MARCHF6: variants seen among roughly 807,000 people sequenced by gnomAD.
The protein encoded by MARCHF6 is membrane associated ring-CH-type finger 6.
In MARCHF6, 31 loss-of-function variants were observed where a neutral mutation model predicts 133.7. That is an observed-to-expected ratio of 0.23 (90% CI 0.17 to 0.31). MARCHF6 has a LOEUF of 0.31. Among genes scored for constraint, MARCHF6 ranks in the 10% least tolerant of loss-of-function variants. MARCHF6 has a pLI of 1.00. For missense variants in MARCHF6, 723 were observed against 1,121.6 expected, an observed-to-expected ratio of 0.64 and a Z score of 5.08; for synonymous variants, 395 against 402.5, an observed-to-expected ratio of 0.98 and a Z score of 0.22.
Position 10,373,593 on chromosome 5 carries a change from A to G in MARCHF6, c.20-4205A>G, listed in dbSNP as rs537201653. Among the ~76,000 whole-genome samples, 4 of 152,288 alleles carry G rather than the reference A, an allele frequency of 2.6e-5. No homozygotes were observed. In the East Asian group the frequency reaches 7.7e-4, roughly 29 times the overall value. ...TGCCTCTCACAGGCAGCAATGTGCCAGCAGGACTGTCTTTGCCATACCCCA... is the reference window on the plus strand; with the variant it reads ...TGCCTCTCACAGGCAGCAATGTGCCGGCAGGACTGTCTTTGCCATACCCCA... On this transcript the variant is annotated intron_variant, in intron 1 of 25. Transcript: ENST00000274140.
At position 10,429,882 on chromosome 5, in the gene MARCHF6, T is replaced by G; in HGVS notation, c.2507-11T>G. 1 of 1,605,136 alleles carries G rather than the reference T, an allele frequency of 6.2e-7. No individual in the cohort carries two copies. Among genetic ancestry groups the G allele is most frequent in the Non-Finnish European group, 8.5e-7 (1 of 1,173,834 alleles). ...ACATACACTGAAAGTTTTTCTTTTT[T>G]GGTTTTCTAGGTGTTACTGCGGAAA... On this transcript the variant is annotated splice_polypyrimidine_tract_variant and intron_variant, in intron 24 of 25. Coordinates refer to ENST00000274140, the MANE Select transcript of MARCHF6 (RefSeq NM_005885.4).
rs140378462 is a variant in MARCHF6 at position 10,420,121 on chromosome 5, T to C, written c.2283+2717T>C. On this transcript the variant is annotated intron_variant, in intron 22 of 25. Transcript: ENST00000274140. The stretch of plus-strand genomic sequence containing the variant: ...ATATGTGCCTGGGCTGCTTCATAGC[T>C]AAGTAACCTCAAGGTATTTGGGCTT... Among the ~76,000 whole-genome samples the C allele has an allele frequency of 6.0e-3, 910 of 152,296 alleles. 8 individuals carry two copies. The highest frequency in any genetic ancestry group is 0.031 in the Middle Eastern group (9 of 294).
At chr5:10,415,767 A>G in intron 21 of MARCHF6, 98 bp downstream of exon 21, 2 of 1,005,488 alleles carry the variant, frequency 2.0e-6, no homozygotes, top group Non-Finnish European at 2.8e-6. Context: ...TTATTTCCTT[A>G]CTATATTGTT....
intron 5 of MARCHF6, 126 bp downstream of exon 5, chr5:10,387,192 C>A: frequency 1.7e-6 from 1 of 599,820 alleles, no homozygotes. Flanking sequence ...ATGTCTATTA[C>A]ACTAACAGTT....
chr5:10,363,520 G>C (rs558314893), intron 1 of MARCHF6, among the ~76,000 whole-genome samples: 71 of 152,252 alleles, frequency 4.7e-4, no homozygotes, highest in African/African-American at 1.7e-3. Context: ...AGAAAAATTG[G>C]AACCTTCATT....
At chr5:10,426,924 C>T (rs1165930842) in intron 24 of MARCHF6, among the ~76,000 whole-genome samples, 2 of 152,232 alleles carry the variant, frequency 1.3e-5, no homozygotes, top group Non-Finnish European at 2.9e-5. Context: ...TAATGGGCAA[C>T]ACGTTTATAC....
intron 1 of MARCHF6, among the ~76,000 whole-genome samples, chr5:10,362,314 AT>A (rs1735877155): frequency 6.6e-6 from 1 of 152,188 alleles, no homozygotes. Context: ...TGTTTTCTGC[AT>A]GTTTCATTTC....
intron 7 of MARCHF6, among the ~76,000 whole-genome samples, chr5:10,393,816 C>T (rs1233045677): frequency 6.6e-6 from 1 of 152,156 alleles, no homozygotes; most frequent in Non-Finnish European, 1.5e-5. Flanking sequence ...CTATTGAATT[C>T]CTCTCTTTCA....
intron 9 of MARCHF6, among the ~76,000 whole-genome samples, chr5:10,396,777 AG>A (rs1380433875): frequency 1.3e-5 from 2 of 152,180 alleles, no homozygotes; most frequent in African/African-American, 4.8e-5. Context: ...AAAGAAAGTC[AG>A]GGCACCATAG....
intron 7 of MARCHF6, among the ~76,000 whole-genome samples, chr5:10,392,098 A>T (rs1049390432): frequency 2.0e-5 from 3 of 152,072 alleles, no homozygotes; most frequent in African/African-American, 7.2e-5. Context: ...AGCTGGGACA[A>T]CAGGCGCTCG....
rs1740744169 is a variant in MARCHF6 at position 10,438,803 on chromosome 5, A to T, written c.*5119A>T. ...AAGGTTCACCCGGGAGAGATGGCCT[A>T]GCCACTTCCTTAGTGACTGTTTGGT... On this transcript the variant is annotated 3_prime_UTR_variant, in exon 26 of 26. Coordinates refer to ENST00000274140, the MANE Select transcript of MARCHF6 (RefSeq NM_005885.4). The T allele has an allele frequency of 6.6e-6, 1 of 152,208 alleles. No individual in the cohort carries two copies. Among genetic ancestry groups the T allele is most frequent in the Admixed American group, 6.5e-5 (1 of 15,284 alleles). 9.4% of individuals were successfully genotyped at this position (152,208 alleles called of 1,614,324 possible).
chr5:10,414,137 G>GTTTTA (rs10625443), intron 19 of MARCHF6, among the ~76,000 whole-genome samples: 33,433 of 151,510 alleles, frequency 0.22, 5,366 homozygotes, highest in East Asian at 0.67. Context: ...AATTTGTAAT[G>GTTTTA]TTTTAATAAC....
chr5:10,394,715 C>A, intron 8 of MARCHF6, 38 bp from the exon 9 acceptor site: 1 of 1,518,902 alleles, frequency 6.6e-7, no homozygotes, highest in Non-Finnish European at 9.0e-7. Context: ...AGTTCTGTTG[C>A]ATCTTAAATT....
chr5:10,399,056 T>G (rs1379439341), intron 10 of MARCHF6, among the ~76,000 whole-genome samples: 1 of 152,168 alleles, frequency 6.6e-6, no homozygotes, highest in African/African-American at 2.4e-5. Flanking sequence ...GTCCTTAATT[T>G]CAGGATGCCT....
At chr5:10,428,680 A>G (rs1377643391) in intron 24 of MARCHF6, among the ~76,000 whole-genome samples, 3 of 152,078 alleles carry the variant, frequency 2.0e-5, no homozygotes, top group Non-Finnish European at 2.9e-5. Flanking sequence ...AAATTAAATT[A>G]TTTTGACTCT....
chr5:10,359,542 A>G (rs977594940), intron 1 of MARCHF6, among the ~76,000 whole-genome samples: 4 of 152,154 alleles, frequency 2.6e-5, no homozygotes, highest in African/African-American at 9.7e-5. Context: ...TGCTCCTTCT[A>G]AGCTACACAG....
At chr5:10,382,926 G>T (rs1401231516) in intron 4 of MARCHF6, among the ~76,000 whole-genome samples, 1 of 152,106 alleles carries the variant, frequency 6.6e-6, no homozygotes, top group Non-Finnish European at 1.5e-5. Flanking sequence ...TGGGAGGGTG[G>T]TATACTAATC....
At chr5:10,387,808 G>A (rs1175942442) in intron 5 of MARCHF6, among the ~76,000 whole-genome samples, 1 of 152,038 alleles carries the variant, frequency 6.6e-6, no homozygotes, top group African/African-American at 2.4e-5. Flanking sequence ...TTACAAGCAT[G>A]TGGCAGCAAG....
Position 10,391,524 on chromosome 5 carries a change from G to A in MARCHF6, c.577-18G>A. 1 of 1,519,606 alleles carries A rather than the reference G, an allele frequency of 6.6e-7. No homozygotes were observed. Among genetic ancestry groups the A allele is most frequent in the Non-Finnish European group, 9.0e-7 (1 of 1,111,076 alleles). The allele number at this position is 1,519,606 out of a possible 1,614,324, so 94.1% of individuals were successfully genotyped here. ...CAGACAAGTGGATCTAAATTTCTGG[G>A]CTTTTCTGTGATTTTAGGCTCCAGC... On this transcript the variant is annotated intron_variant, in intron 6 of 25. Transcript: ENST00000274140.
Sources: allele counts gnomAD v4.1 joint callset (sites outside exome capture counted in the v4.1 genomes callset), GRCh38; gene constraint gnomAD v4.1.1; transcripts MANE v1.5; gene names NCBI Gene and HGNC (gene_info 2026-07-23, HGNC 2026-07-21).